KIRREL3: variants seen among roughly 807,000 people sequenced by gnomAD.
KIRREL3 encodes kin of IRRE-like protein 3.
In KIRREL3, 36 loss-of-function variants were observed where a neutral mutation model predicts 89.7. The ratio of observed to expected loss-of-function variants is 0.40; its 90% CI spans 0.31 to 0.53. The LOEUF (loss-of-function observed/expected upper bound fraction) is 0.53. Among genes scored for constraint, KIRREL3 ranks in the 20% least tolerant of loss-of-function variants. KIRREL3 has a pLI of 0.49. For missense variants in KIRREL3, 864 were observed against 1,056.6 expected, an observed-to-expected ratio of 0.82 and a Z score of 2.53; for synonymous variants, 445 against 441.4, an observed-to-expected ratio of 1.01 and a Z score of -0.10.
In KIRREL3 at chr11:126,558,574, A is replaced by G. The variant is rs1376190040; in HGVS notation, c.133+4261T>C. The stretch of plus-strand genomic sequence containing the variant: ...GCAAGTTGCTGCATGCTCTTGGGCC[A>G]TGCTGTGTTATTGGGTTGCACTGTA... On this transcript the variant is annotated intron_variant, in intron 2 of 16. Coordinates refer to ENST00000525144, the MANE Select transcript of KIRREL3 (RefSeq NM_032531.4). The surrounding 1 kb of genome is among the most constrained non-coding windows in gnomAD (Gnocchi z 4.0). Among the ~76,000 whole-genome samples the G allele has an allele frequency of 1.3e-5, 2 of 152,162 alleles. No homozygotes were observed. Among genetic ancestry groups the G allele is most frequent in the Non-Finnish European group, 2.9e-5 (2 of 68,030 alleles).
rs536847023 is a variant in KIRREL3 at position 126,485,758 on chromosome 11, G to T, written c.434-12292C>A. Among the ~76,000 whole-genome samples, 1 of 152,304 alleles carries T rather than the reference G, an allele frequency of 6.6e-6. No homozygotes were observed. The highest frequency in any genetic ancestry group is 1.9e-4 in the East Asian group (1 of 5,186). On this transcript the variant is annotated intron_variant, in intron 4 of 16. Coordinates refer to ENST00000525144, the MANE Select transcript of KIRREL3 (RefSeq NM_032531.4). This position sits in a 1 kb window ranked among gnomAD's most constrained non-coding sequence, Gnocchi z 5.8. Reference sequence around the variant, plus strand: ...TTACCTTGTTCCATGCCCAGCCCTGGACTCCTGAGATGGAATGGTCAGTAC... The same window carrying T: ...TTACCTTGTTCCATGCCCAGCCCTGTACTCCTGAGATGGAATGGTCAGTAC...
At chr11:126,650,138 C>A (rs887070763) in intron 1 of KIRREL3, among the ~76,000 whole-genome samples, 1 of 152,232 alleles carries the variant, frequency 6.6e-6, no homozygotes, top group African/African-American at 2.4e-5. Context: ...CCCTAGGCTG[C>A]ACACAGCGTG....
Position 126,655,275 on chromosome 11 carries a change from T to C in KIRREL3, c.56-92363A>G, listed in dbSNP as rs1945086050. On this transcript the variant is annotated intron_variant, in intron 1 of 16. Transcript: ENST00000525144. This position sits in a 1 kb window ranked among gnomAD's most constrained non-coding sequence, Gnocchi z 5.0. Reference sequence around the variant, plus strand: ...GAGAGCTCTCGCTGTTGCCTGCTTTTATCTGGAAAACAATGTGAGCAGTAT... The same window carrying C: ...GAGAGCTCTCGCTGTTGCCTGCTTTCATCTGGAAAACAATGTGAGCAGTAT... 6.6e-6 allele frequency among the ~76,000 whole-genome samples: 1 copy of C among 152,224 alleles called. No individual in the cohort carries two copies. The highest frequency in any genetic ancestry group is 2.4e-5 in the African/African-American group (1 of 41,458).
rs552214525 is a variant in KIRREL3 at position 127,000,338 on chromosome 11, G to C, written c.55+117C>G. 1.3e-6 allele frequency: 1 copy of C among 752,484 alleles called. No individual in the cohort carries two copies. The highest frequency in any genetic ancestry group is 2.2e-6 in the Non-Finnish European group (1 of 463,328). 46.6% of individuals were successfully genotyped at this position (752,484 alleles called of 1,614,324 possible). ...TGCCAGAGCATCTCAGCCCGGCACC[G>C]AGAGACGCATCCATCAGTCCGAGTT... On this transcript the variant is annotated intron_variant, in intron 1 of 16. Transcript: ENST00000525144. This position sits in a 1 kb window ranked among gnomAD's most constrained non-coding sequence, Gnocchi z 7.1.
At chr11:126,437,158 A>C in intron 11 of KIRREL3, 149 bp from the exon 12 acceptor site, 1 of 677,844 alleles carries the variant, frequency 1.5e-6, no homozygotes, top group South Asian at 2.4e-5. Context: ...GCAGGCACAC[A>C]TGCCACACAC....
intron 1 of KIRREL3, among the ~76,000 whole-genome samples, chr11:126,820,747 C>T (rs960767607): frequency 1.9e-4 from 29 of 152,036 alleles, no homozygotes; most frequent in Non-Finnish European, 3.1e-4. Flanking sequence ...GACACAGAGG[C>T]CAGAGCTGGA....
rs574743716 is a variant in KIRREL3 at position 126,834,162 on chromosome 11, C to T, written c.55+166293G>A. On this transcript the variant is annotated intron_variant, in intron 1 of 16. Coordinates refer to ENST00000525144, the MANE Select transcript of KIRREL3 (RefSeq NM_032531.4). ...GAAATTTAAGTTGCAGTTTGAGGTT[C>T]GCCTCTAGTTCCTGGAGGCACTTTT... Among the ~76,000 whole-genome samples, 6 of 152,288 alleles carry T rather than the reference C, an allele frequency of 3.9e-5. No individual in the cohort carries two copies. In the South Asian group the frequency reaches 6.2e-4, roughly 16 times the overall value.
chr11:126,894,193 G>A (rs1340624360), intron 1 of KIRREL3, among the ~76,000 whole-genome samples: 2 of 152,184 alleles, frequency 1.3e-5, no homozygotes, highest in Non-Finnish European at 2.9e-5. Context: ...AGGAAGTGAT[G>A]AATTGAGGGG....
rs543438592 is a variant in KIRREL3 at position 126,946,105 on chromosome 11, A to C, written c.55+54350T>G. ...TCACAAATCCTGACCAGAATGGCTG[A>C]GATTTCTGAGCTGGAACCCAGCACC... On this transcript the variant is annotated intron_variant, in intron 1 of 16. Coordinates refer to ENST00000525144, the MANE Select transcript of KIRREL3 (RefSeq NM_032531.4). The surrounding 1 kb of genome is among the most constrained non-coding windows in gnomAD (Gnocchi z 4.1). 6.6e-6 allele frequency among the ~76,000 whole-genome samples: 1 copy of C among 152,318 alleles called. No individual in the cohort carries two copies. Among genetic ancestry groups the C allele is most frequent in the Non-Finnish European group, 1.5e-5 (1 of 68,036 alleles).
chr11:126,556,248 T>A (rs940530645), intron 2 of KIRREL3, among the ~76,000 whole-genome samples: 1 of 151,426 alleles, frequency 6.6e-6, no homozygotes, highest in African/African-American at 2.4e-5. Flanking sequence ...GGTGGTGGCA[T>A]GAGATGGAGA....
intron 4 of KIRREL3, among the ~76,000 whole-genome samples, chr11:126,504,168 C>G (rs1020910634): frequency 1.3e-5 from 2 of 152,154 alleles, no homozygotes; most frequent in African/African-American, 4.8e-5. Flanking sequence ...TTGGCATCAT[C>G]TGTGACCCCT....
rs573743389 is a variant in KIRREL3 at position 126,624,351 on chromosome 11, C to G, written c.56-61439G>C. Among the ~76,000 whole-genome samples, 1 of 152,230 alleles carries G rather than the reference C, an allele frequency of 6.6e-6. No homozygotes were observed. Among genetic ancestry groups the G allele is most frequent in the East Asian group, 1.9e-4 (1 of 5,180 alleles). On this transcript the variant is annotated intron_variant, in intron 1 of 16. Transcript: ENST00000525144. The surrounding 1 kb of genome is among the most constrained non-coding windows in gnomAD (Gnocchi z 6.0). ...TCCACTAGGAAAAAACAAAACAAAA[C>G]AAAACAAAACCTGAGGTATTTCTTA...
intron 4 of KIRREL3, among the ~76,000 whole-genome samples, chr11:126,478,973 G>A (rs1238712303): frequency 2.0e-5 from 3 of 152,192 alleles, no homozygotes; most frequent in Non-Finnish European, 2.9e-5. Context: ...GGCTGAGGGG[G>A]GCTTGGTGCT....
At chr11:126,866,903 A>G (rs576056754) in intron 1 of KIRREL3, among the ~76,000 whole-genome samples, 1 of 152,264 alleles carries the variant, frequency 6.6e-6, no homozygotes, top group South Asian at 2.1e-4. Context: ...CCTCCACTCA[A>G]TAAAACCTTG....
intron 4 of KIRREL3, among the ~76,000 whole-genome samples, chr11:126,500,428 T>C (rs1421494589): frequency 6.6e-6 from 1 of 152,152 alleles, no homozygotes; most frequent in Non-Finnish European, 1.5e-5. Context: ...TACAAGCGAC[T>C]CACATTAATT....
At chr11:126,451,840 T>G (rs1956187217) in intron 7 of KIRREL3, among the ~76,000 whole-genome samples, 1 of 152,170 alleles carries the variant, frequency 6.6e-6, no homozygotes, top group Non-Finnish European at 1.5e-5. Flanking sequence ...CCACGGAACT[T>G]CTCTTCAGGC....
At chr11:126,456,476 T>C in intron 6 of KIRREL3, 22 bp from the exon 7 acceptor site, 2 of 1,473,750 alleles carry the variant, frequency 1.4e-6, no homozygotes, top group Non-Finnish European at 1.9e-6. Flanking sequence ...GGAGAGTCAC[T>C]TGTAGACCGG....
chr11:126,877,354 T>C lies in KIRREL3; in HGVS notation c.55+123101A>G, dbSNP rs1024629876. ...GTGGCTTCTGTACATTCAAGTTAAATGTAAGTCAGGTTGGGCAGGGTTTGG... is the reference window on the plus strand; with the variant it reads ...GTGGCTTCTGTACATTCAAGTTAAACGTAAGTCAGGTTGGGCAGGGTTTGG... On this transcript the variant is annotated intron_variant, in intron 1 of 16. Coordinates refer to ENST00000525144, the MANE Select transcript of KIRREL3 (RefSeq NM_032531.4). This position sits in a 1 kb window ranked among gnomAD's most constrained non-coding sequence, Gnocchi z 4.9. Among the ~76,000 whole-genome samples, 9 of 152,168 alleles carry C rather than the reference T, an allele frequency of 5.9e-5. No homozygotes were observed. Among genetic ancestry groups the C allele is most frequent in the African/African-American group, 2.2e-4 (9 of 41,438 alleles).
In KIRREL3 at chr11:126,429,724, C is replaced by A. The variant is rs1955060250; in HGVS notation, c.1697-436G>T. ...GGACCTCAAAGTGCCCATGGCCAACCCCCATCCAAAGAGAAACGCCCCTGA... is the reference window on the plus strand; with the variant it reads ...GGACCTCAAAGTGCCCATGGCCAACACCCATCCAAAGAGAAACGCCCCTGA... On this transcript the variant is annotated intron_variant, in intron 14 of 16. Coordinates refer to ENST00000525144, the MANE Select transcript of KIRREL3 (RefSeq NM_032531.4). This position sits in a 1 kb window ranked among gnomAD's most constrained non-coding sequence, Gnocchi z 5.2. Among the ~76,000 whole-genome samples, 1 of 152,212 alleles carries A rather than the reference C, an allele frequency of 6.6e-6. No individual in the cohort carries two copies. Among genetic ancestry groups the A allele is most frequent in the African/African-American group, 2.4e-5 (1 of 41,456 alleles).
Sources: gnomAD v4.1 joint callset for allele counts (sites outside exome capture counted in the v4.1 genomes callset) on GRCh38, gnomAD v4.1.1 for gene constraint, Gnocchi (gnomAD v3.1) non-coding constraint, MANE v1.5 for transcripts, NCBI Gene and HGNC (gene_info 2026-07-23, HGNC 2026-07-21) for gene names.